ACOXL: variants seen among roughly 807,000 people sequenced by gnomAD.
ACOXL encodes the protein acyl-coenzyme A oxidase-like protein.
In ACOXL, 70 loss-of-function variants were observed where a neutral mutation model predicts 71.9. The ratio of observed to expected loss-of-function variants is 0.97; its 90% CI spans 0.80 to 1.19. The LOEUF is 1.19. ACOXL is among the 50% of genes most tolerant of loss of function. ACOXL has a pLI of 0.00. For missense variants in ACOXL, 703 were observed against 736.3 expected (o/e 0.95, Z 0.52); for synonymous variants, 253 against 281.6 (o/e 0.90, Z 1.02).
intron 11 of ACOXL, among the ~76,000 whole-genome samples, chr2:110,909,352 G>A (rs12612914): frequency 0.14 from 21,262 of 152,100 alleles, 1,693 homozygotes; most frequent in East Asian, 0.24. Context: ...TGAATAAAAC[G>A]TGTACCATAA....
chr2:110,909,331 G>T (rs1183465827), intron 11 of ACOXL, among the ~76,000 whole-genome samples: 3 of 152,158 alleles, frequency 2.0e-5, no homozygotes, highest in African/African-American at 4.8e-5. Flanking sequence ...GAGGCAGGGA[G>T]TGAGGAGCTT....
Position 110,836,926 on chromosome 2 carries a change from C to A in ACOXL, c.754-4445C>A, listed in dbSNP as rs147406509. The stretch of plus-strand genomic sequence containing the variant: ...AGGCGGGCGGCCTCCTCGCCAAATC[C>A]TGTTGACATGTTTTGTTTGGCTTGA... On this transcript the variant is annotated intron_variant, in intron 9 of 17. Coordinates refer to ENST00000439055, the MANE Select transcript of ACOXL (RefSeq NM_001142807.4). 2.6e-5 allele frequency among the ~76,000 whole-genome samples: 4 copies of A among 152,324 alleles called. No homozygotes were observed. In the East Asian group the frequency reaches 7.7e-4, roughly 29 times the overall value.
intron 11 of ACOXL, among the ~76,000 whole-genome samples, chr2:110,927,589 C>T (rs559846209): frequency 3.3e-5 from 5 of 152,216 alleles, no homozygotes; most frequent in Admixed American, 3.3e-4. Context: ...TCCCTGAGCC[C>T]CTTCTGGAAT....
chr2:111,109,671 A>ATTCTTTTTT (rs2069802567), intron 17 of ACOXL, among the ~76,000 whole-genome samples: 1 of 75,644 alleles, frequency 1.3e-5, no homozygotes, highest in Non-Finnish European at 2.4e-5. Flanking sequence ...TTCTCCTTCT[A>ATTCTTTTTT]TTTTTTTTTT....
intron 13 of ACOXL, among the ~76,000 whole-genome samples, chr2:110,989,991 G>C (rs1225825528): frequency 6.6e-6 from 1 of 152,160 alleles, no homozygotes; most frequent in Non-Finnish European, 1.5e-5. Context: ...AGTGAGCCAA[G>C]ATTGCGCCAT....
At chr2:110,995,854 G>T in intron 13 of ACOXL, 39 bp from the exon 14 acceptor site, 11 of 1,529,300 alleles carry the variant, frequency 7.2e-6, no homozygotes, top group Non-Finnish European at 1.0e-5. Context: ...TCTTGGTGAG[G>T]CCAAAATAAT....
intron 17 of ACOXL, chr2:111,093,763 C>T: frequency 2.4e-6 from 1 of 415,268 alleles, no homozygotes; most frequent in Non-Finnish European, 4.3e-6. Context: ...ACTCGGGAGG[C>T]TGAGGCACGA....
intron 9 of ACOXL, among the ~76,000 whole-genome samples, chr2:110,808,453 G>T (rs1041178933): frequency 3.9e-5 from 6 of 152,158 alleles, no homozygotes. Context: ...CAGAACACAT[G>T]GATGTGGTTG....
chr2:111,006,445 C>T (rs1329277546), intron 14 of ACOXL, among the ~76,000 whole-genome samples: 1 of 152,150 alleles, frequency 6.6e-6, no homozygotes, highest in African/African-American at 2.4e-5. Flanking sequence ...CATCTGAGGC[C>T]AATTGTAACC....
chr2:110,937,868 TC>T (rs2060723975), intron 12 of ACOXL, among the ~76,000 whole-genome samples: 1 of 152,322 alleles, frequency 6.6e-6, no homozygotes, highest in South Asian at 2.1e-4. Context: ...TAACAAACCT[TC>T]CCTTGTAGAG....
At chr2:110,789,297 T>G (rs1365002005) in intron 3 of ACOXL, among the ~76,000 whole-genome samples, 1 of 152,246 alleles carries the variant, frequency 6.6e-6, no homozygotes, top group Non-Finnish European at 1.5e-5. Flanking sequence ...GGACTCTAAC[T>G]AAAGCTGAAA....
chr2:110,891,834 G>A (rs962812471), intron 10 of ACOXL, among the ~76,000 whole-genome samples: 7 of 151,800 alleles, frequency 4.6e-5, no homozygotes, highest in Middle Eastern at 3.2e-3. Flanking sequence ...CCATGACAGG[G>A]GTGGTACAAG....
At chr2:110,791,965 C>T (rs1336288203) in intron 3 of ACOXL, among the ~76,000 whole-genome samples, 1 of 152,198 alleles carries the variant, frequency 6.6e-6, no homozygotes, top group Non-Finnish European at 1.5e-5. Flanking sequence ...CTGCCTCCTT[C>T]CCCCAACCGG....
chr2:111,082,953 A>T (rs559787517), intron 16 of ACOXL, among the ~76,000 whole-genome samples: 146 of 152,038 alleles, frequency 9.6e-4, no homozygotes, highest in Non-Finnish European at 1.5e-3. Context: ...CAAACATCAC[A>T]TGTTCTCACT....
chr2:110,802,395 G>A (rs1028908675), intron 8 of ACOXL, among the ~76,000 whole-genome samples: 9 of 152,192 alleles, frequency 5.9e-5, no homozygotes, highest in Non-Finnish European at 8.8e-5. Context: ...AGCGTTTCAC[G>A]CATCCAGTAA....
At chr2:110,871,231 G>T (rs78820719) in intron 10 of ACOXL, among the ~76,000 whole-genome samples, 2,227 of 152,196 alleles carry the variant, frequency 0.015, 28 homozygotes, top group Middle Eastern at 0.058. Context: ...AACCCATGGG[G>T]ATCTGGCTTT....
chr2:111,025,801 AT>A (rs1286549075), intron 14 of ACOXL, among the ~76,000 whole-genome samples: 5 of 152,160 alleles, frequency 3.3e-5, no homozygotes, highest in African/African-American at 1.2e-4. Flanking sequence ...AACATTCAAA[AT>A]TTGTGTCTTA....
intron 17 of ACOXL, chr2:111,094,290 T>C (rs2068692328): frequency 6.6e-6 from 1 of 152,234 alleles, no homozygotes; most frequent in South Asian, 2.1e-4. Context: ...GCTACAGTAA[T>C]GTATTTCTGT....
chr2:110,947,621 C>A (rs1209431090), intron 12 of ACOXL, among the ~76,000 whole-genome samples: 1 of 152,226 alleles, frequency 6.6e-6, no homozygotes, highest in Non-Finnish European at 1.5e-5. Context: ...TCCCTTCTCC[C>A]CCTCTGCCTC....
Sources: gnomAD v4.1 joint callset for allele counts (sites outside exome capture counted in the v4.1 genomes callset) on GRCh38, gnomAD v4.1.1 for gene constraint, MANE v1.5 for transcripts, NCBI Gene and HGNC (gene_info 2026-07-23, HGNC 2026-07-21) for gene names.